Variants in CIBAR2 observed in about 807,000 individuals in gnomAD.
CIBAR2 encodes the protein CBY1 interacting BAR domain containing 2.
Under a neutral mutation model 36.2 loss-of-function variants are expected in CIBAR2, and 38 were observed. That is an observed-to-expected ratio of 1.05 (90% CI 0.81 to 1.38). CIBAR2 has a LOEUF of 1.38. Among genes scored for constraint, CIBAR2 ranks in the 40% most tolerant of loss-of-function variants. CIBAR2 has a pLI of 0.00. For missense variants in CIBAR2, 481 were observed against 383.4 expected (o/e 1.25, Z -2.13); for synonymous variants, 182 against 149.5 (o/e 1.22, Z -1.58).
At chr16:85,112,243 GGCCCTGCT>G in intron 1 of CIBAR2, 82 bp downstream of exon 1, 1 of 1,028,216 alleles carries the variant, frequency 9.7e-7, no homozygotes, top group East Asian at 2.6e-5. Flanking sequence ...CCAAGCAGCA[GGCCCTGCT>G]GCCCTCATCT....
rs543136177 is a variant in CIBAR2, at chr16:85,109,924, C to T, written c.255+302G>A. On this transcript the variant is annotated intron_variant, in intron 2 of 8. Coordinates refer to ENST00000539556, the MANE Select transcript of CIBAR2 (RefSeq NM_198491.3). The stretch of plus-strand genomic sequence containing the variant: ...CCCCACCAGGATTTCTGTTCCTTCC[C>T]GAGGCCCTCATAGGCCTTGGATGTG... 9.2e-5 allele frequency among the ~76,000 whole-genome samples: 14 copies of T among 152,272 alleles called. No homozygotes were observed. The South Asian group carries it at 2.5e-3, about 27-fold the overall frequency.
At chr16:85,102,369 G>C in intron 6 of CIBAR2, 42 bp from the exon 7 acceptor site, 5 of 1,262,136 alleles carry the variant, frequency 4.0e-6, no homozygotes, top group South Asian at 2.4e-5. Flanking sequence ...ATCGCAGTGA[G>C]AAAGAGCCCA....
At position 85,104,418 on chromosome 16, in the gene CIBAR2, G is replaced by C. The variant is rs2073979268; in HGVS notation, c.537+909C>G. Among the ~76,000 whole-genome samples, 4 of 152,312 alleles carry C rather than the reference G, an allele frequency of 2.6e-5. No homozygotes were observed. The South Asian group carries it at 8.3e-4, about 32-fold the overall frequency. On this transcript the variant is annotated intron_variant, in intron 6 of 8. Transcript: ENST00000539556. ...GATGAATTGGACCTGCCTTTTAAGA[G>C]ATCCCTGGGGTAGGCGCGGTGGGTC...
At chr16:85,110,849 C>CAT (rs1374749100) in intron 1 of CIBAR2, among the ~76,000 whole-genome samples, 1 of 151,784 alleles carries the variant, frequency 6.6e-6, no homozygotes, top group African/African-American at 2.4e-5. Context: ...GGATTACAGG[C>CAT]GCCTGCCACC....
At chr16:85,108,591 G>A (rs1250075218) in intron 2 of CIBAR2, among the ~76,000 whole-genome samples, 1 of 152,228 alleles carries the variant, frequency 6.6e-6, no homozygotes, top group African/African-American at 2.4e-5. Context: ...GTCACAGTGG[G>A]GCCGGGCGCG....
intron 2 of CIBAR2, 55 bp from the exon 3 acceptor site, chr16:85,108,154 C>G (rs899044725): frequency 6.6e-7 from 1 of 1,525,096 alleles, no homozygotes; most frequent in Non-Finnish European, 8.9e-7. Flanking sequence ...CTGCCTCCAG[C>G]CTGGGCATAT....
chr16:85,105,444 A>C lies in CIBAR2; in HGVS notation c.433-13T>G, dbSNP rs764602135. 6.2e-7 allele frequency: 1 copy of C among 1,602,426 alleles called. No homozygotes were observed. Among genetic ancestry groups the C allele is most frequent in the Non-Finnish European group, 8.5e-7 (1 of 1,169,836 alleles). On this transcript the variant is annotated splice_polypyrimidine_tract_variant and intron_variant, in intron 5 of 8. Coordinates refer to ENST00000539556, the MANE Select transcript of CIBAR2 (RefSeq NM_198491.3). Reference sequence around the variant, plus strand: ...CTCTGGTCTCTGCCTGGCCCCAGGGACACAAGACGTAGAAAGTGTCATGGG... The same window carrying C: ...CTCTGGTCTCTGCCTGGCCCCAGGGCCACAAGACGTAGAAAGTGTCATGGG...
At chr16:85,107,221 G>A (rs1162802596) in intron 5 of CIBAR2, among the ~76,000 whole-genome samples, 4 of 152,200 alleles carry the variant, frequency 2.6e-5, no homozygotes, top group African/African-American at 7.2e-5. Flanking sequence ...ATACAGCAGC[G>A]GTGACTAGCC....
Position 85,107,902 on chromosome 16 carries a change from G to A in CIBAR2, c.370C>T (p.Gln124Ter). 1 of 1,614,154 alleles carries A rather than the reference G, an allele frequency of 6.2e-7. No homozygotes were observed. Among genetic ancestry groups the A allele is most frequent in the Non-Finnish European group, 8.5e-7 (1 of 1,179,990 alleles). The change falls in exon 4 of 9, where the codon CAA (glutamine) becomes TAA (stop). Residue 124 changes from glutamine (Q) to a stop codon, truncating the protein, a stop_gained. Coordinates refer to ENST00000539556, the MANE Select transcript of CIBAR2 (RefSeq NM_198491.3). LOFTEE classifies it high-confidence loss of function. The stretch of plus-strand genomic sequence containing the variant: ...CTCAGTTTCTCCAGTTTTTCCAGTT[G>A]TTTGATCTCATGATTTTGGACATGT... ...FKHVQNHEIKQLEKLEKLRQK... is the reference protein window; with the variant it reads ...FKHVQNHEIK
In CIBAR2 at chr16:85,106,701, C is replaced by T. The variant is rs78277278; in HGVS notation, c.432+966G>A. Among the ~76,000 whole-genome samples the T allele has an allele frequency of 8.4e-3, 1,284 of 152,320 alleles. 11 individuals are homozygous for T. The highest frequency in any genetic ancestry group is 0.014 in the Non-Finnish European group (938 of 68,032). ...ACACCTTGATTTGGCCCAGTGGGCC[C>T]ACGGTGAACCTCTAACCTCCTGAAC... On this transcript the variant is annotated intron_variant, in intron 5 of 8. Coordinates refer to ENST00000539556, the MANE Select transcript of CIBAR2 (RefSeq NM_198491.3).
chr16:85,100,099 G>A lies in CIBAR2; in HGVS notation c.753+40C>T, dbSNP rs370506826. 1.9e-4 allele frequency: 292 copies of A among 1,519,310 alleles called. 2 individuals carry two copies. In the African/African-American group the frequency reaches 3.5e-3, roughly 18 times the overall value. The allele number at this position is 1,519,310 out of a possible 1,614,324, so 94.1% of individuals were successfully genotyped here. ...ACCACGGGCCTTCCAGGCCGTGCAC[G>A]ACATTTTAGGTGTAACCCCTCACCC... On this transcript the variant is annotated intron_variant, in intron 8 of 8. Coordinates refer to ENST00000539556, the MANE Select transcript of CIBAR2 (RefSeq NM_198491.3).
At chr16:85,104,961 G>T (rs2048897049) in intron 6 of CIBAR2, among the ~76,000 whole-genome samples, 1 of 152,150 alleles carries the variant, frequency 6.6e-6, no homozygotes, top group Admixed American at 6.5e-5. Flanking sequence ...GCTTGTTCAG[G>T]GAGGGGGTTT....
At chr16:85,110,576 G>A in intron 1 of CIBAR2, 116 bp from the exon 2 acceptor site, 2 of 683,002 alleles carry the variant, frequency 2.9e-6, no homozygotes, top group Non-Finnish European at 4.8e-6. Context: ...CTCTGGTGTG[G>A]CACGCACATG....
At chr16:85,104,394 A>T (rs996568150) in intron 6 of CIBAR2, among the ~76,000 whole-genome samples, 2 of 152,162 alleles carry the variant, frequency 1.3e-5, no homozygotes. Context: ...CCCAGCGATG[A>T]TGAATTGGAC....
intron 7 of CIBAR2, among the ~76,000 whole-genome samples, chr16:85,100,884 A>T (rs140189092): frequency 0.02 from 3,045 of 152,264 alleles, 61 homozygotes; most frequent in Middle Eastern, 0.051. Context: ...CGTCTCTACT[A>T]AAAATACATA....
chr16:85,108,835 A>T (rs1168217289), intron 2 of CIBAR2, among the ~76,000 whole-genome samples: 2 of 152,226 alleles, frequency 1.3e-5, no homozygotes, highest in African/African-American at 2.4e-5. Flanking sequence ...AGATTGCGAC[A>T]CTTCACTCTA....
Position 85,110,423 on chromosome 16 carries a change from T to C in CIBAR2, c.58A>G (p.Asn20Asp), listed in dbSNP as rs769416097. The change falls in exon 2 of 9, where the codon AAC becomes GAC. Residue 20 changes from asparagine to aspartate, a missense_variant. By Grantham distance (23) the Asn-to-Asp change is conservative. Coordinates refer to ENST00000539556, the MANE Select transcript of CIBAR2 (RefSeq NM_198491.3). ...AACTGCCCAAAGTACTTCTCGGTGTTGGCCACGGTATTCTCCATCACCCTC... is the reference window on the plus strand; with the variant it reads ...AACTGCCCAAAGTACTTCTCGGTGTCGGCCACGGTATTCTCCATCACCCTC... ...QVRVMENTVA[N>D]TEKYFGQFCS... 7 of 1,611,008 alleles carry C rather than the reference T, an allele frequency of 4.3e-6. No individual in the cohort carries two copies. Among genetic ancestry groups the C allele is most frequent in the Non-Finnish European group, 5.9e-6 (7 of 1,178,402 alleles).
At chr16:85,107,572 G>T in intron 5 of CIBAR2, 95 bp downstream of exon 5, 4 of 1,374,428 alleles carry the variant, frequency 2.9e-6, no homozygotes, top group Non-Finnish European at 4.2e-6. Flanking sequence ...GCACACACCT[G>T]CTTCAGACCA....
In CIBAR2 at chr16:85,100,363, C is replaced by T. The variant is rs62049954; in HGVS notation, c.652-123G>A. The stretch of plus-strand genomic sequence containing the variant: ...GACAGCTAATGCTCATGGAACTCCA[C>T]GGTCCTCTCCAGGAGCTTCCTGTTT... On this transcript the variant is annotated intron_variant, in intron 7 of 8. Coordinates refer to ENST00000539556, the MANE Select transcript of CIBAR2 (RefSeq NM_198491.3). The T allele has an allele frequency of 3.0e-3, 1,841 of 605,018 alleles. 13 individuals carry two copies. The highest frequency in any genetic ancestry group is 0.02 in the Middle Eastern group (74 of 3,754). The allele number at this position is 605,018 out of a possible 1,614,324, so 37.5% of individuals were successfully genotyped here.
Sources: gnomAD v4.1 joint callset for allele counts (sites outside exome capture counted in the v4.1 genomes callset) on GRCh38, gnomAD v4.1.1 for gene constraint, MANE v1.5 for transcripts, NCBI Gene and HGNC (gene_info 2026-07-23, HGNC 2026-07-21) for gene names.